C1orf185: variants seen among roughly 807,000 people sequenced by gnomAD.
C1orf185 encodes the protein chromosome 1 open reading frame 185, also known as uncharacterized protein C1orf185.
Under a neutral mutation model 16.1 loss-of-function variants are expected in C1orf185, and 13 were observed. The observed-to-expected ratio is 0.81, with a 90% CI of 0.53 to 1.28. The LOEUF is 1.28. Among genes scored for constraint, C1orf185 ranks in the 50% most tolerant of loss-of-function variants. The pLI, the probability that C1orf185 is intolerant of heterozygous loss-of-function variation, is 0.00. For missense variants in C1orf185, 220 were observed against 225.2 expected (o/e 0.98, Z 0.15); for synonymous variants, 80 against 76.9 (o/e 1.04, Z -0.21).
At chr1:51,103,214 T>C (rs748091351) in intron 1 of C1orf185, among the ~76,000 whole-genome samples, 2 of 151,974 alleles carry the variant, frequency 1.3e-5, no homozygotes, top group Non-Finnish European at 2.9e-5. Flanking sequence ...AAGACGAACC[T>C]GGGCAACATA....
chr1:51,127,926 C>T (rs1444228315), intron 3 of C1orf185, among the ~76,000 whole-genome samples: 45 of 132,288 alleles, frequency 3.4e-4, no homozygotes, highest in Non-Finnish European at 5.6e-4. Context: ...CTCGCTCTGT[C>T]ACCCAGGCTG....
At chr1:51,115,652 C>T (rs1646152220) in intron 2 of C1orf185, among the ~76,000 whole-genome samples, 1 of 152,178 alleles carries the variant, frequency 6.6e-6, no homozygotes, top group Non-Finnish European at 1.5e-5. Flanking sequence ...TACACTCTCA[C>T]TAGCAATGTA....
intron 2 of C1orf185, among the ~76,000 whole-genome samples, chr1:51,114,873 T>G (rs1012646693): frequency 2.0e-5 from 3 of 152,176 alleles, no homozygotes; most frequent in Non-Finnish European, 4.4e-5. Context: ...TAACCACCAC[T>G]CTGTCAAGAT....
intron 2 of C1orf185, among the ~76,000 whole-genome samples, chr1:51,112,971 C>A (rs962339714): frequency 3.9e-5 from 6 of 152,018 alleles, no homozygotes; most frequent in Admixed American, 3.3e-4. Context: ...AGGTTCGCAC[C>A]ACGACACCCG....
intron 3 of C1orf185, among the ~76,000 whole-genome samples, chr1:51,131,499 C>A (rs367835959): frequency 2.6e-5 from 4 of 151,784 alleles, no homozygotes; most frequent in East Asian, 1.9e-4. Context: ...ATTGGCTGGG[C>A]TTGGTGGCTC....
At chr1:51,103,595 G>A (rs6670444) in intron 1 of C1orf185, among the ~76,000 whole-genome samples, 3,304 of 149,472 alleles carry the variant, frequency 0.022, 125 homozygotes, top group African/African-American at 0.077. Context: ...GTGCAGTGGC[G>A]CAATCTCGGC....
chr1:51,120,169 A>G (rs905247664), intron 3 of C1orf185, among the ~76,000 whole-genome samples: 2 of 152,216 alleles, frequency 1.3e-5, no homozygotes, highest in South Asian at 4.1e-4. Flanking sequence ...GATTCAGAAG[A>G]CAGTGGTGGA....
At chr1:51,132,882 C>T (rs896790195) in intron 3 of C1orf185, among the ~76,000 whole-genome samples, 2 of 152,156 alleles carry the variant, frequency 1.3e-5, no homozygotes, top group African/African-American at 4.8e-5. Flanking sequence ...ACCCTACAAG[C>T]CAGAAGAGAT....
chr1:51,143,229 G>C (rs1196062523), intron 3 of C1orf185, among the ~76,000 whole-genome samples: 3 of 152,118 alleles, frequency 2.0e-5, no homozygotes, highest in Non-Finnish European at 4.4e-5. Flanking sequence ...CTTTTTATCA[G>C]ACTTTACTCT....
At chr1:51,144,331 G>C (rs905252384) in intron 3 of C1orf185, among the ~76,000 whole-genome samples, 1 of 152,208 alleles carries the variant, frequency 6.6e-6, no homozygotes, top group African/African-American at 2.4e-5. Flanking sequence ...AGGAGTCACA[G>C]AATGAATTGG....
intron 3 of C1orf185, among the ~76,000 whole-genome samples, chr1:51,139,928 C>T (rs1646353201): frequency 6.6e-6 from 1 of 152,148 alleles, no homozygotes; most frequent in Non-Finnish European, 1.5e-5. Flanking sequence ...AACATCCTAT[C>T]CTTGTGACAG....
Position 51,137,129 on chromosome 1 carries a change from T to C in C1orf185, c.259-8595T>C, listed in dbSNP as rs111900691. Among the ~76,000 whole-genome samples the C allele has an allele frequency of 8.6e-3, 1,311 of 152,224 alleles. 32 individuals carry two copies. The East Asian group carries it at 0.098, about 11-fold the overall frequency. ...AACAGACACTTTTCAAAAGAAGACA[T>C]GCATGTGGCCATGAATCATATGAAA... On this transcript the variant is annotated intron_variant, in intron 3 of 4. Coordinates refer to ENST00000371759, the MANE Select transcript of C1orf185 (RefSeq NM_001136508.2).
At chr1:51,122,433 C>G (rs1646204362) in intron 3 of C1orf185, among the ~76,000 whole-genome samples, 1 of 152,130 alleles carries the variant, frequency 6.6e-6, no homozygotes, top group South Asian at 2.1e-4. Flanking sequence ...CTATAGTCTT[C>G]CTACCTAATT....
At chr1:51,125,270 G>T (rs570630457) in intron 3 of C1orf185, among the ~76,000 whole-genome samples, 5 of 152,304 alleles carry the variant, frequency 3.3e-5, no homozygotes, top group Non-Finnish European at 7.3e-5. Context: ...ATGCATTTGT[G>T]AAATAATAGC....
intron 3 of C1orf185, among the ~76,000 whole-genome samples, chr1:51,142,797 C>T (rs1453088534): frequency 6.6e-6 from 1 of 151,982 alleles, no homozygotes; most frequent in Admixed American, 6.6e-5. Flanking sequence ...TATTTATAGG[C>T]AGAGTCACTC....
At chr1:51,102,280 T>C in intron 1 of C1orf185, 31 bp downstream of exon 1, 2 of 711,908 alleles carry the variant, frequency 2.8e-6, no homozygotes, top group Middle Eastern at 2.3e-4. Flanking sequence ...TAGTCTAGCT[T>C]TTTGCCTGGG....
intron 3 of C1orf185, among the ~76,000 whole-genome samples, chr1:51,133,847 C>T (rs1368586970): frequency 6.6e-6 from 1 of 152,188 alleles, no homozygotes; most frequent in African/African-American, 2.4e-5. Flanking sequence ...TGCCTGTAAT[C>T]CTAGCACTTT....
chr1:51,152,054 G>A (rs1646431781), downstream of C1orf185, among the ~76,000 whole-genome samples: 1 of 151,900 alleles, frequency 6.6e-6, no homozygotes. Context: ...AACTGAACTG[G>A]GTCAAGCAAT....
intron 3 of C1orf185, among the ~76,000 whole-genome samples, chr1:51,132,875 C>T (rs1646295833): frequency 6.6e-6 from 1 of 152,166 alleles, no homozygotes; most frequent in African/African-American, 2.4e-5. Flanking sequence ...AAAAGAAACC[C>T]TACAAGCCAG....
Sources: allele counts gnomAD v4.1 joint callset (sites outside exome capture counted in the v4.1 genomes callset), GRCh38; gene constraint gnomAD v4.1.1; transcripts MANE v1.5; gene names NCBI Gene and HGNC (gene_info 2026-07-23, HGNC 2026-07-21).